The following AATF variants were observed in gnomAD, a reference collection of about 807,000 sequenced individuals.
AATF encodes the protein protein AATF.
AATF carries 48 observed loss-of-function variants against 63.7 expected under a neutral mutation model. The ratio of observed to expected loss-of-function variants is 0.75; its 90% CI spans 0.60 to 0.96. The LOEUF is 0.96. Among genes scored for constraint, AATF ranks in the 40% least tolerant of loss-of-function variants. The pLI is 0.00. For missense variants in AATF, 639 were observed against 685.7 expected (o/e 0.93, Z 0.76); for synonymous variants, 258 against 247.7 (o/e 1.04, Z -0.39).
intron 11 of AATF, among the ~76,000 whole-genome samples, chr17:37,041,177 T>A (rs1597738521): frequency 6.6e-6 from 1 of 152,352 alleles, no homozygotes; most frequent in Admixed American, 6.5e-5. Context: ...CGTATGTGTT[T>A]GAATCTTTTT....
At chr17:36,961,984 G>T (rs2142213319) in intron 4 of AATF, among the ~76,000 whole-genome samples, 1 of 152,088 alleles carries the variant, frequency 6.6e-6, no homozygotes, top group East Asian at 1.9e-4. Flanking sequence ...CTTGTACATT[G>T]TTTTTTTAAA....
At chr17:37,028,509 G>C (rs926922381) in intron 10 of AATF, among the ~76,000 whole-genome samples, 1 of 152,122 alleles carries the variant, frequency 6.6e-6, no homozygotes, top group Non-Finnish European at 1.5e-5. Context: ...AATTAGACTG[G>C]GCATGGTGGC....
chr17:37,037,355 G>A (rs985114909), intron 11 of AATF, among the ~76,000 whole-genome samples: 2 of 152,144 alleles, frequency 1.3e-5, no homozygotes, highest in Admixed American at 6.5e-5. Flanking sequence ...ACTTGTTTTT[G>A]TAGAGCCAGA....
Position 37,056,810 on chromosome 17 carries a change from AG to A in AATF, c.*149del. On this transcript the variant is annotated 3_prime_UTR_variant, in exon 12 of 12. Coordinates refer to ENST00000619387, the MANE Select transcript of AATF (RefSeq NM_012138.4). The stretch of plus-strand genomic sequence containing the variant: ...TCCGAACCTGTGCCTAATACACGCA[AG>A]GGCGCTGTCCCGCCCAACCCCGCCT... The A allele has an allele frequency of 2.4e-6, 2 of 832,706 alleles. No homozygotes were observed. Among genetic ancestry groups the A allele is most frequent in the Non-Finnish European group, 3.7e-6 (2 of 537,838 alleles). 51.6% of individuals were successfully genotyped at this position (832,706 alleles called of 1,614,324 possible).
chr17:37,056,747 GC>G lies in AATF; in HGVS notation c.*84del, dbSNP rs2142336629. 5 of 1,450,132 alleles carry G rather than the reference GC, an allele frequency of 3.4e-6. No homozygotes were observed. Among genetic ancestry groups the G allele is most frequent in the Non-Finnish European group, 4.8e-6 (5 of 1,038,216 alleles). The allele number at this position is 1,450,132 out of a possible 1,614,324, so 89.8% of individuals were successfully genotyped here. On this transcript the variant is annotated 3_prime_UTR_variant, in exon 12 of 12. Transcript: ENST00000619387. Reference sequence around the variant, plus strand: ...TGGAGGAAACCAGTGACTTTATGGGGCTGAGCTAGTAGGGAAGCCCCTGGAA... The same window carrying G: ...TGGAGGAAACCAGTGACTTTATGGGGTGAGCTAGTAGGGAAGCCCCTGGAA...
chr17:37,013,254 A>C (rs1373677404), intron 8 of AATF, among the ~76,000 whole-genome samples: 1 of 152,252 alleles, frequency 6.6e-6, no homozygotes. Context: ...AATGCAAATC[A>C]AAGCTGCAAT....
chr17:37,002,495 G>T (rs2071307262), intron 8 of AATF, among the ~76,000 whole-genome samples: 1 of 150,034 alleles, frequency 6.7e-6, no homozygotes, highest in Non-Finnish European at 1.5e-5. Context: ...GTGAAACCCT[G>T]TCTCTACTAA....
chr17:37,051,578 C>G (rs939226140), intron 11 of AATF, among the ~76,000 whole-genome samples: 1 of 152,002 alleles, frequency 6.6e-6, no homozygotes, highest in Non-Finnish European at 1.5e-5. Context: ...CTTTTAAAAC[C>G]TTACCTGCCA....
chr17:37,005,163 A>G (rs1289292992), intron 8 of AATF, among the ~76,000 whole-genome samples: 2 of 152,228 alleles, frequency 1.3e-5, no homozygotes, highest in African/African-American at 4.8e-5. Flanking sequence ...CCGCTGACAC[A>G]TTTATGACAT....
intron 11 of AATF, among the ~76,000 whole-genome samples, chr17:37,047,302 A>G (rs905064962): frequency 2.6e-5 from 4 of 151,410 alleles, no homozygotes; most frequent in Admixed American, 2.6e-4. Context: ...GCTTTTTTGC[A>G]AGTCCGCTAA....
At chr17:37,035,852 T>C (rs927303941) in intron 11 of AATF, among the ~76,000 whole-genome samples, 11 of 152,196 alleles carry the variant, frequency 7.2e-5, no homozygotes, top group African/African-American at 2.4e-4. Context: ...TTTATTGCAG[T>C]ATTGTTTGTA....
intron 8 of AATF, 29 bp from the exon 9 acceptor site, chr17:37,018,976 T>C: frequency 6.3e-7 from 1 of 1,598,590 alleles, no homozygotes. Context: ...AGATGATAAA[T>C]AAATTCGTTG....
chr17:36,986,776 G>C, intron 5 of AATF, 45 bp downstream of exon 5: 1 of 1,486,738 alleles, frequency 6.7e-7, no homozygotes, highest in Non-Finnish European at 9.4e-7. Context: ...TTTTCATTTG[G>C]ATAGTTTCCC....
chr17:37,013,609 C>G (rs759471966), intron 8 of AATF, among the ~76,000 whole-genome samples: 1 of 136,524 alleles, frequency 7.3e-6, no homozygotes, highest in African/African-American at 3.5e-5. Context: ...AACTCACTCC[C>G]CACAACCAAG....
At chr17:37,012,898 T>C (rs1361216918) in intron 8 of AATF, among the ~76,000 whole-genome samples, 1 of 152,186 alleles carries the variant, frequency 6.6e-6, no homozygotes, top group Non-Finnish European at 1.5e-5. Context: ...TTATAAACCT[T>C]TTAGAAGAAA....
chr17:37,033,147 A>T (rs2071564548), intron 11 of AATF, among the ~76,000 whole-genome samples: 1 of 152,170 alleles, frequency 6.6e-6, no homozygotes, highest in African/African-American at 2.4e-5. Context: ...CAGCCTATGG[A>T]TGGTTCTGAG....
At chr17:37,022,114 G>GTGTT (rs1491385605) in intron 10 of AATF, among the ~76,000 whole-genome samples, 1 of 11,814 alleles carries the variant, frequency 8.5e-5, no homozygotes, top group African/African-American at 3.3e-4. Context: ...GGTAACTGCC[G>GTGTT]TGTGTGTGTG....
In AATF at chr17:36,955,617, G is replaced by A. The variant is rs546236658; in HGVS notation, c.832+1710G>A. On this transcript the variant is annotated intron_variant, in intron 4 of 11. Coordinates refer to ENST00000619387, the MANE Select transcript of AATF (RefSeq NM_012138.4). ...CTGCTCTAGATTAAATGTTTTAAAT[G>A]TTTCACGATAAGGCCTGTTTTCATT... Among the ~76,000 whole-genome samples the A allele has an allele frequency of 2.6e-5, 4 of 152,194 alleles. No homozygotes were observed. The East Asian group carries it at 7.7e-4, about 29-fold the overall frequency.
At chr17:37,046,769 ACG>A (rs1555655357) in intron 11 of AATF, among the ~76,000 whole-genome samples, 5 of 149,284 alleles carry the variant, frequency 3.3e-5, no homozygotes, top group African/African-American at 9.9e-5. Context: ...ACACACACAC[ACG>A]CATGCACACA....
Sources: gnomAD v4.1 joint callset for allele counts (sites outside exome capture counted in the v4.1 genomes callset) on GRCh38, gnomAD v4.1.1 for gene constraint, MANE v1.5 for transcripts, NCBI Gene and HGNC (gene_info 2026-07-23, HGNC 2026-07-21) for gene names.